Variants in RNGTT observed in about 807,000 individuals in gnomAD.
The protein encoded by RNGTT is mRNA-capping enzyme.
In RNGTT, 33 loss-of-function variants were observed where a neutral mutation model predicts 79.3. The ratio of observed to expected loss-of-function variants is 0.42; its 90% CI spans 0.32 to 0.56. The LOEUF (loss-of-function observed/expected upper bound fraction) is 0.56, where lower values mean the gene tolerates loss of function less well. Ranked by LOEUF, RNGTT falls within the 20% of genes least tolerant of loss-of-function variation. The pLI, the probability that RNGTT is intolerant of heterozygous loss-of-function variation, is 0.17. For missense variants in RNGTT, 497 were observed against 739.1 expected (o/e 0.67, Z 3.80); for synonymous variants, 222 against 235.9 (o/e 0.94, Z 0.54).
intron 8 of RNGTT, among the ~76,000 whole-genome samples, chr6:88,887,046 T>TTA (rs1277462858): frequency 8.2e-6 from 1 of 122,060 alleles, no homozygotes; most frequent in Non-Finnish European, 1.6e-5. Flanking sequence ...CACAATTTCT[T>TTA]TAAAAAAAAA....
intron 8 of RNGTT, among the ~76,000 whole-genome samples, chr6:88,867,273 AGGAGTT>A (rs893579929): frequency 6.6e-6 from 1 of 152,114 alleles, no homozygotes; most frequent in African/African-American, 2.4e-5. Context: ...ACCTGAGGTC[AGGAGTT>A]TGAGACCAGC....
At chr6:88,908,613 C>A (rs1783733345) in intron 4 of RNGTT, among the ~76,000 whole-genome samples, 1 of 152,148 alleles carries the variant, frequency 6.6e-6, no homozygotes, top group Non-Finnish European at 1.5e-5. Context: ...GGGCACCACA[C>A]TCCCACCATG....
At chr6:88,837,499 T>C (rs1781121020) in intron 11 of RNGTT, among the ~76,000 whole-genome samples, 1 of 152,094 alleles carries the variant, frequency 6.6e-6, no homozygotes, top group Non-Finnish European at 1.5e-5. Flanking sequence ...GTACCACTGA[T>C]GAAAAAGTTT....
chr6:88,644,476 G>C (rs1231512566), intron 14 of RNGTT, among the ~76,000 whole-genome samples: 3 of 152,132 alleles, frequency 2.0e-5, no homozygotes, highest in Admixed American at 6.5e-5. Flanking sequence ...AATAGAAAAA[G>C]AGGGAATCCT....
At chr6:88,898,010 T>A (rs1562308909) in intron 6 of RNGTT, among the ~76,000 whole-genome samples, 2 of 152,080 alleles carry the variant, frequency 1.3e-5, no homozygotes, top group African/African-American at 4.8e-5. Context: ...CCCCCCAGAC[T>A]CTACTTGTCT....
chr6:88,772,593 C>T (rs1778724751), intron 12 of RNGTT, among the ~76,000 whole-genome samples: 1 of 147,956 alleles, frequency 6.8e-6, no homozygotes, highest in Admixed American at 6.7e-5. Flanking sequence ...GGCTAATATC[C>T]AGAATCTACA....
intron 4 of RNGTT, among the ~76,000 whole-genome samples, chr6:88,914,951 G>C (rs1783950442): frequency 6.6e-6 from 1 of 152,114 alleles, no homozygotes. Flanking sequence ...CCATTAAAAA[G>C]TGGGAAAAGG....
chr6:88,912,797 G>A (rs1466182057), intron 4 of RNGTT, among the ~76,000 whole-genome samples: 1 of 152,040 alleles, frequency 6.6e-6, no homozygotes, highest in Non-Finnish European at 1.5e-5. Flanking sequence ...TAGAGAAAAT[G>A]AATAAATTCC....
At chr6:88,776,369 G>C (rs1393937190) in intron 12 of RNGTT, among the ~76,000 whole-genome samples, 1 of 150,880 alleles carries the variant, frequency 6.6e-6, no homozygotes, top group Admixed American at 6.6e-5. Flanking sequence ...GCCCAGGCTG[G>C]AGTGCAGTGG....
Position 88,758,337 on chromosome 6 carries a change from G to A in RNGTT, c.1439+11437C>T, listed in dbSNP as rs191242781. On this transcript the variant is annotated intron_variant, in intron 13 of 15. Transcript: ENST00000369485. ...GAAAATAATCACTGAATACACTCCA[G>A]TGCCCGGTACACAGAAAGGAATAAA... Among the ~76,000 whole-genome samples, 12 of 152,240 alleles carry A rather than the reference G, an allele frequency of 7.9e-5. 1 individual carries two copies. In the East Asian group the frequency reaches 2.3e-3, roughly 29 times the overall value.
intron 11 of RNGTT, among the ~76,000 whole-genome samples, chr6:88,810,957 G>C (rs1780119946): frequency 6.6e-6 from 1 of 152,134 alleles, no homozygotes; most frequent in Non-Finnish European, 1.5e-5. Flanking sequence ...TGGCCAATGT[G>C]CCTAAATAAT....
At chr6:88,718,805 A>G (rs73754808) in intron 13 of RNGTT, among the ~76,000 whole-genome samples, 3,524 of 152,308 alleles carry the variant, frequency 0.023, 156 homozygotes, top group African/African-American at 0.079. Context: ...AATGAACCAC[A>G]GCGAAGAAGT....
intron 1 of RNGTT, among the ~76,000 whole-genome samples, chr6:88,960,545 C>T (rs1350291188): frequency 6.6e-6 from 1 of 151,572 alleles, no homozygotes; most frequent in East Asian, 1.9e-4. Flanking sequence ...ACCAGCCTGG[C>T]CAACATGGTG....
At chr6:88,918,669 A>C (rs1784073119) in intron 4 of RNGTT, among the ~76,000 whole-genome samples, 2 of 152,210 alleles carry the variant, frequency 1.3e-5, no homozygotes, top group Non-Finnish European at 2.9e-5. Flanking sequence ...TATGACCAAG[A>C]AAATCTATAA....
intron 13 of RNGTT, among the ~76,000 whole-genome samples, chr6:88,756,117 AAG>A (rs1024155989): frequency 6.6e-6 from 1 of 152,150 alleles, no homozygotes; most frequent in African/African-American, 2.4e-5. Context: ...CAGGTTAACA[AAG>A]AGGAAAATGC....
intron 13 of RNGTT, among the ~76,000 whole-genome samples, chr6:88,763,534 T>G (rs1018040914): frequency 6.6e-6 from 1 of 152,182 alleles, no homozygotes; most frequent in African/African-American, 2.4e-5. Flanking sequence ...GTCTCTCACT[T>G]GTTATCGTCT....
intron 1 of RNGTT, among the ~76,000 whole-genome samples, chr6:88,945,592 CTTCT>C (rs1784982536): frequency 6.6e-6 from 1 of 152,100 alleles, no homozygotes; most frequent in South Asian, 2.1e-4. Flanking sequence ...CACTGTGGAC[CTTCT>C]CTACTCTCTC....
At chr6:88,826,854 G>GTATATA (rs1554221332) in intron 11 of RNGTT, among the ~76,000 whole-genome samples, 4 of 138,366 alleles carry the variant, frequency 2.9e-5, no homozygotes, top group African/African-American at 1.1e-4. Flanking sequence ...ATGTGTGTGT[G>GTATATA]TATATATATA....
rs951750933 is a variant in RNGTT at position 88,875,050 on chromosome 6, T to C, written c.896+15445A>G. Among the ~76,000 whole-genome samples the C allele has an allele frequency of 2.6e-5, 4 of 152,250 alleles. No individual in the cohort carries two copies. In the East Asian group the frequency reaches 5.8e-4, roughly 22 times the overall value. Reference sequence around the variant, plus strand: ...TTTTACTTTCCTCTAGTGTCTTGTATTGTCTTTGAGACCTTCTAAAGCTTA... The same window carrying C: ...TTTTACTTTCCTCTAGTGTCTTGTACTGTCTTTGAGACCTTCTAAAGCTTA... On this transcript the variant is annotated intron_variant, in intron 8 of 15. Transcript: ENST00000369485.
Sources: gnomAD v4.1 joint callset for allele counts (sites outside exome capture counted in the v4.1 genomes callset) on GRCh38, gnomAD v4.1.1 for gene constraint, MANE v1.5 for transcripts, NCBI Gene and HGNC (gene_info 2026-07-23, HGNC 2026-07-21) for gene names.